SRGAP3: variants seen among roughly 807,000 people sequenced by gnomAD.
SRGAP3 encodes SLIT-ROBO Rho GTPase-activating protein 3.
In SRGAP3, 39 loss-of-function variants were observed where a neutral mutation model predicts 121.1. The ratio of observed to expected loss-of-function variants is 0.32; its 90% CI spans 0.25 to 0.42. The LOEUF (loss-of-function observed/expected upper bound fraction) is 0.42. SRGAP3 is among the 10% of genes least tolerant of loss of function. The probability of loss-of-function intolerance (pLI) is 1.00; values close to 1 mark genes in which losing one functional copy is unlikely to be tolerated. For missense variants in SRGAP3, 1,213 were observed against 1,470.6 expected, an observed-to-expected ratio of 0.82 and a Z score of 2.86; for synonymous variants, 601 against 570.0, an observed-to-expected ratio of 1.05 and a Z score of -0.77.
intron 18 of SRGAP3, among the ~76,000 whole-genome samples, chr3:8,999,205 G>GTAGGGGCCTGGCTGC (rs1942600224): frequency 2.0e-5 from 3 of 151,966 alleles, no homozygotes; most frequent in Non-Finnish European, 4.4e-5. Context: ...GGCCTGGCTG[G>GTAGGGGCCTGGCTGC]AGTCACATTT....
intron 1 of SRGAP3, among the ~76,000 whole-genome samples, chr3:9,341,378 T>C (rs534912994): frequency 6.6e-6 from 1 of 152,206 alleles, no homozygotes; most frequent in Non-Finnish European, 1.5e-5. Flanking sequence ...GGGAAAGAGA[T>C]GCTTAAAGCA....
intron 4 of SRGAP3, among the ~76,000 whole-genome samples, chr3:9,071,115 G>GA (rs1003444464): frequency 2.0e-5 from 3 of 152,118 alleles, no homozygotes; most frequent in Non-Finnish European, 4.4e-5. Context: ...GGGAGCAGCT[G>GA]AAAGGTGGAA....
chr3:9,179,102 G>A (rs1484048301), intron 1 of SRGAP3, among the ~76,000 whole-genome samples: 1 of 152,126 alleles, frequency 6.6e-6, no homozygotes, highest in Non-Finnish European at 1.5e-5. Flanking sequence ...CATACACCAA[G>A]GCTTCAGGAC....
intron 10 of SRGAP3, among the ~76,000 whole-genome samples, chr3:9,043,801 A>G (rs1027249890): frequency 6.6e-6 from 1 of 152,140 alleles, no homozygotes; most frequent in African/African-American, 2.4e-5. Context: ...TTGGCATGAA[A>G]AGGTCATGCT....
rs780736446 is a variant in SRGAP3, at chr3:8,990,798, C to T, written c.2600G>A (p.Arg867Gln). ...RSDGAAIPRR[R>Q]SGGDTHSPPR... ...CGGGCTGTGTGTGTCGCCCCCGCTT[C>T]GGCGTCTGGGGATGGCTGCTCCATC... The change falls in exon 21 of 22, where the codon CGA (arginine) becomes CAA (glutamine). Residue 867 changes from arginine to glutamine, a missense_variant. Transcript: ENST00000383836. 6.0e-5 allele frequency: 95 copies of T among 1,585,626 alleles called. No homozygotes were observed. Among genetic ancestry groups the T allele is most frequent in the Middle Eastern group, 3.4e-4 (2 of 5,946 alleles).
intron 18 of SRGAP3, among the ~76,000 whole-genome samples, chr3:8,994,919 T>C (rs1324540016): frequency 6.6e-6 from 1 of 152,220 alleles, no homozygotes; most frequent in Non-Finnish European, 1.5e-5. Context: ...ATAATACTTT[T>C]AGTAATTTTT....
intron 4 of SRGAP3, chr3:9,065,435 C>G (rs1326879142): frequency 6.6e-6 from 1 of 152,170 alleles, no homozygotes; most frequent in African/African-American, 2.4e-5. Context: ...TATCCAGGAC[C>G]ACAAGCAAAA....
chr3:9,286,043 T>A lies in SRGAP3; in HGVS notation n.442+39967A>T, dbSNP rs558076946. On this transcript the variant is annotated intron_variant and non_coding_transcript_variant, in intron 3 of 3. Transcript: ENST00000490889. Reference sequence around the variant, plus strand: ...GAGTAGACTGCCTGAGCCTGGGAGATCATGGCTGCAGTGAGCTGTGATCAT... The same window carrying A: ...GAGTAGACTGCCTGAGCCTGGGAGAACATGGCTGCAGTGAGCTGTGATCAT... Among the ~76,000 whole-genome samples, 3 of 151,048 alleles carry A rather than the reference T, an allele frequency of 2.0e-5. No homozygotes were observed. In the East Asian group the frequency reaches 5.9e-4, roughly 30 times the overall value.
chr3:8,997,457 T>A (rs1333988652), intron 18 of SRGAP3, among the ~76,000 whole-genome samples: 1 of 152,164 alleles, frequency 6.6e-6, no homozygotes, highest in Non-Finnish European at 1.5e-5. Flanking sequence ...AATCACATCA[T>A]GAAACTCCCC....
intron 3 of SRGAP3, among the ~76,000 whole-genome samples, chr3:9,291,548 A>G (rs1464974447): frequency 1.3e-5 from 2 of 151,874 alleles, no homozygotes; most frequent in African/African-American, 4.8e-5. Flanking sequence ...TATTCTCCCA[A>G]AAAACAATCA....
At chr3:9,012,241 T>G (rs1387915683) in intron 17 of SRGAP3, among the ~76,000 whole-genome samples, 1 of 152,184 alleles carries the variant, frequency 6.6e-6, no homozygotes, top group African/African-American at 2.4e-5. Flanking sequence ...CTAAGGCAAT[T>G]CAAAAGTCCA....
chr3:9,354,251 T>C (rs747987865), intron 1 of SRGAP3, among the ~76,000 whole-genome samples: 9 of 152,152 alleles, frequency 5.9e-5, no homozygotes, highest in Non-Finnish European at 1.0e-4. Flanking sequence ...TTTAGAGCCA[T>C]GAAGGTAATC....
chr3:9,278,960 AC>A (rs998353239), intron 3 of SRGAP3, among the ~76,000 whole-genome samples: 84 of 152,024 alleles, frequency 5.5e-4, no homozygotes, highest in African/African-American at 2.0e-3. Context: ...CCTCCACATC[AC>A]CCAGCACATC....
Position 8,985,197 on chromosome 3 carries a change from CGA to C in SRGAP3, c.*320_*321del. The C allele has an allele frequency of 2.2e-6, 1 of 457,516 alleles. No homozygotes were observed. Among genetic ancestry groups the C allele is most frequent in the East Asian group, 3.9e-5 (1 of 25,528 alleles). 28.3% of individuals were successfully genotyped at this position (457,516 alleles called of 1,614,324 possible). A position where few individuals can be genotyped will look rare whatever the true frequency, so the allele number is the denominator to read the frequency against. Reference sequence around the variant, plus strand: ...ACATATACGTATGTAGAGAGAATGTCGAGAGAGGAAGTTTCCAGTGACGATAT... The same window carrying C: ...ACATATACGTATGTAGAGAGAATGTCGAGAGGAAGTTTCCAGTGACGATAT... On this transcript the variant is annotated 3_prime_UTR_variant, in exon 22 of 22. Transcript: ENST00000383836. This position sits in a 1 kb window ranked among gnomAD's most constrained non-coding sequence, Gnocchi z 5.1.
At position 8,981,059 on chromosome 3, in the gene SRGAP3, G is replaced by A. The variant is rs553212476; in HGVS notation, c.*4460C>T. On this transcript the variant is annotated 3_prime_UTR_variant, in exon 22 of 22. Coordinates refer to ENST00000383836, the MANE Select transcript of SRGAP3 (RefSeq NM_014850.4). ...AGAAAGGAGGTGTCAACAAGGGGCA[G>A]CGATGGCCATGTGGCCAGTCCCAGA... 215 of 233,160 alleles carry A rather than the reference G, an allele frequency of 9.2e-4. No homozygotes were observed. Among genetic ancestry groups the A allele is most frequent in the Non-Finnish European group, 1.5e-3 (182 of 117,892 alleles). 14.4% of individuals were successfully genotyped at this position (233,160 alleles called of 1,614,324 possible). A position where few individuals can be genotyped will look rare whatever the true frequency, so the allele number is the denominator to read the frequency against.
chr3:9,110,443 A>G (rs1159307112), intron 2 of SRGAP3, among the ~76,000 whole-genome samples: 3 of 152,258 alleles, frequency 2.0e-5, no homozygotes, highest in Non-Finnish European at 2.9e-5. Flanking sequence ...CAGAACAACA[A>G]GGAAGGCTTT....
intron 3 of SRGAP3, among the ~76,000 whole-genome samples, chr3:9,278,658 G>A (rs977686072): frequency 6.6e-6 from 1 of 152,144 alleles, no homozygotes; most frequent in Admixed American, 6.5e-5. Context: ...ACACAGTCAT[G>A]GGAGCCAAGA....
chr3:9,060,852 G>T (rs1290045003), intron 5 of SRGAP3, among the ~76,000 whole-genome samples: 1 of 152,086 alleles, frequency 6.6e-6, no homozygotes. Context: ...GACTCAGGCA[G>T]CTCCCCTTAC....
intron 1 of SRGAP3, among the ~76,000 whole-genome samples, chr3:9,226,976 T>C (rs1478041416): frequency 6.6e-6 from 1 of 152,102 alleles, no homozygotes; most frequent in Non-Finnish European, 1.5e-5. Flanking sequence ...GGTGGATCCA[T>C]TCCTCCAGGT....
Sources: allele counts gnomAD v4.1 joint callset (sites outside exome capture counted in the v4.1 genomes callset), GRCh38; gene constraint gnomAD v4.1.1; non-coding constraint Gnocchi (gnomAD v3.1); transcripts MANE v1.5; gene names NCBI Gene and HGNC (gene_info 2026-07-23, HGNC 2026-07-21).